AGTR1: variants seen among roughly 807,000 people sequenced by gnomAD.
AGTR1 encodes type-1 angiotensin II receptor.
Under a neutral mutation model 19.4 loss-of-function variants are expected in AGTR1, and 16 were observed. The observed-to-expected ratio is 0.82, with a 90% CI of 0.56 to 1.25. The LOEUF (loss-of-function observed/expected upper bound fraction) is 1.25, where lower values mean the gene tolerates loss of function less well. Ranked by LOEUF, AGTR1 falls within the 50% of genes most tolerant of loss-of-function variation. The pLI, the probability that AGTR1 is intolerant of heterozygous loss-of-function variation, is 0.00. For missense variants in AGTR1, 373 were observed against 431.9 expected, an observed-to-expected ratio of 0.86 and a Z score of 1.21; for synonymous variants, 153 against 154.9, an observed-to-expected ratio of 0.99 and a Z score of 0.09.
intron 2 of AGTR1, among the ~76,000 whole-genome samples, chr3:148,729,844 G>A (rs1413683719): frequency 1.3e-5 from 2 of 152,132 alleles, no homozygotes; most frequent in East Asian, 3.8e-4. Flanking sequence ...TCTGGTCCAA[G>A]CAGCCTCTCA....
rs886058073 is a variant in AGTR1 at position 148,742,578 on chromosome 3, A to G, written c.*463A>G. 12 of 307,246 alleles carry G rather than the reference A, an allele frequency of 3.9e-5. No homozygotes were observed. The East Asian group carries it at 1.1e-3, about 29-fold the overall frequency. The allele number at this position is 307,246 out of a possible 1,614,324, so 19.0% of individuals were successfully genotyped here. ...GTTTTCAGCTATTAGCAACTGTGCT[A>G]CACTTGCACCTGGTACTGCACATTT... On this transcript the variant is annotated 3_prime_UTR_variant, in exon 3 of 3. Transcript: ENST00000349243.
chr3:148,699,364 A>T (rs1190034831), intron 1 of AGTR1, among the ~76,000 whole-genome samples: 1 of 152,088 alleles, frequency 6.6e-6, no homozygotes, highest in South Asian at 2.1e-4. Flanking sequence ...CCCCCTTATA[A>T]GTCTTCTCTA....
rs12721236 is a variant in AGTR1 at position 148,722,326 on chromosome 3, A to G, written c.-48+14299A>G. ...AAGTTTGAACATATTAAATGAAGAC[A>G]TGGGAGATATAAAAAAGACTGAAAT... On this transcript the variant is annotated intron_variant, in intron 2 of 2. Coordinates refer to ENST00000349243, the MANE Select transcript of AGTR1 (RefSeq NM_000685.5). Among the ~76,000 whole-genome samples the G allele has an allele frequency of 2.3e-3, 344 of 152,340 alleles. 5 individuals carry two copies. Among genetic ancestry groups the G allele is most frequent in the African/African-American group, 8.0e-3 (334 of 41,570 alleles).
At position 148,741,394 on chromosome 3, in the gene AGTR1, C is replaced by A; in HGVS notation, c.359C>A (p.Thr120Lys). Residue 120 changes from threonine (T) to lysine (K), a missense_variant, in exon 3 of 3, where the codon ACG becomes AAG. Thr to Lys is a moderately conservative substitution (Grantham distance 78). Transcript: ENST00000349243. ...FNLYASVFLL[T>K]CLSIDRYLAI... ...CTGTACGCTAGTGTGTTTCTACTCA[C>A]GTGTCTCAGCATTGATCGATACCTG... The A allele has an allele frequency of 1.2e-6, 2 of 1,603,042 alleles. No homozygotes were observed. Among genetic ancestry groups the A allele is most frequent in the Non-Finnish European group, 1.7e-6 (2 of 1,177,996 alleles).
intron 1 of AGTR1, among the ~76,000 whole-genome samples, chr3:148,704,850 T>C (rs1490708756): frequency 6.6e-6 from 1 of 152,178 alleles, no homozygotes; most frequent in East Asian, 1.9e-4. Context: ...ACTTTTTCAA[T>C]GGTATTGAGA....
At chr3:148,735,442 G>A (rs1714521911) in intron 2 of AGTR1, among the ~76,000 whole-genome samples, 1 of 152,088 alleles carries the variant, frequency 6.6e-6, no homozygotes, top group South Asian at 2.1e-4. Context: ...AATGAACACA[G>A]TCAAAGATTA....
chr3:148,715,216 T>C (rs1713227900), intron 2 of AGTR1, among the ~76,000 whole-genome samples: 1 of 152,192 alleles, frequency 6.6e-6, no homozygotes, highest in Admixed American at 6.6e-5. Context: ...TATTTTTCAA[T>C]GGTAGCATTT....
At chr3:148,704,451 C>A (rs1712553941) in intron 1 of AGTR1, among the ~76,000 whole-genome samples, 1 of 152,008 alleles carries the variant, frequency 6.6e-6, no homozygotes, top group Admixed American at 6.5e-5. Context: ...TTTTGGTGCT[C>A]TCATGCTATA....
chr3:148,741,529 T>C lies in AGTR1; in HGVS notation c.494T>C (p.Ile165Thr). The change falls in exon 3 of 3, where the codon ATC (isoleucine) becomes ACC (threonine). Residue 165 changes from isoleucine to threonine, a missense_variant. Coordinates refer to ENST00000349243, the MANE Select transcript of AGTR1 (RefSeq NM_000685.5). ...GGCTTGGCCAGTTTGCCAGCTATAA[T>C]CCATCGAAATGTATTTTTCATTGAG... ...LAGLASLPAI[I>T]HRNVFFIENT... 1 of 1,614,166 alleles carries C rather than the reference T, an allele frequency of 6.2e-7. No individual in the cohort carries two copies. The highest frequency in any genetic ancestry group is 8.5e-7 in the Non-Finnish European group (1 of 1,180,000).
intron 2 of AGTR1, among the ~76,000 whole-genome samples, chr3:148,720,364 A>G (rs539682607): frequency 1.3e-5 from 2 of 152,268 alleles, no homozygotes; most frequent in East Asian, 3.9e-4. Flanking sequence ...TTAAAATTCC[A>G]TCATCTAAAT....
intron 2 of AGTR1, among the ~76,000 whole-genome samples, chr3:148,717,575 T>C (rs1713374801): frequency 6.6e-6 from 1 of 152,198 alleles, no homozygotes; most frequent in African/African-American, 2.4e-5. Context: ...AGCTTTATAC[T>C]GATACTGGGT....
At position 148,742,193 on chromosome 3, in the gene AGTR1, A is replaced by C. The variant is rs774927837; in HGVS notation, c.*78A>C. 1 of 1,563,378 alleles carries C rather than the reference A, an allele frequency of 6.4e-7. No individual in the cohort carries two copies. The highest frequency in any genetic ancestry group is 1.7e-5 in the Admixed American group (1 of 59,944). On this transcript the variant is annotated 3_prime_UTR_variant, in exon 3 of 3. Coordinates refer to ENST00000349243, the MANE Select transcript of AGTR1 (RefSeq NM_000685.5). ...CATTCCTCTGCAGCACTTCACTACC[A>C]AATGAGCATTAGCTACTTTTCAGAA...
chr3:148,709,042 C>T (rs185970733), intron 2 of AGTR1, among the ~76,000 whole-genome samples: 1 of 152,286 alleles, frequency 6.6e-6, no homozygotes, highest in Admixed American at 6.5e-5. Context: ...TGCCTTTAAT[C>T]TTGGAGATAA....
At chr3:148,740,887 A>G in intron 2 of AGTR1, 102 bp from the exon 3 acceptor site, 1 of 1,062,488 alleles carries the variant, frequency 9.4e-7, no homozygotes, top group South Asian at 1.6e-5. Flanking sequence ...TCCTAAGACT[A>G]AAGTTGAGTT....
intron 2 of AGTR1, chr3:148,730,219 G>T (rs981225093): frequency 5.0e-6 from 2 of 398,268 alleles, no homozygotes; most frequent in East Asian, 3.6e-5. Flanking sequence ...CAGTCCAAAG[G>T]CTCCACAGCT....
intron 2 of AGTR1, among the ~76,000 whole-genome samples, chr3:148,735,308 A>G (rs1714513993): frequency 6.6e-6 from 1 of 152,216 alleles, no homozygotes; most frequent in African/African-American, 2.4e-5. Flanking sequence ...GTTGAAAACT[A>G]AGCTCAGAAA....
chr3:148,700,534 C>G (rs141405793), intron 1 of AGTR1, among the ~76,000 whole-genome samples: 2 of 152,302 alleles, frequency 1.3e-5, no homozygotes, highest in African/African-American at 4.8e-5. Flanking sequence ...TGCCCTCTAG[C>G]CGCATGCTTA....
chr3:148,741,913 T>G lies in AGTR1; in HGVS notation c.878T>G (p.Phe293Cys), dbSNP rs774446445. 49 of 1,614,042 alleles carry G rather than the reference T, an allele frequency of 3.0e-5. 1 individual carries two copies. The highest frequency in any genetic ancestry group is 4.2e-5 in the Non-Finnish European group (49 of 1,180,030). ...CCTATCACCATTTGTATAGCTTATTTTAACAATTGCCTGAATCCTCTTTTT... is the reference window on the plus strand; with the variant it reads ...CCTATCACCATTTGTATAGCTTATTGTAACAATTGCCTGAATCCTCTTTTT... Reference protein sequence around the residue: ...AMPITICIAYFNNCLNPLFYG... With the variant: ...AMPITICIAYCNNCLNPLFYG... The change falls in exon 3 of 3, where the codon TTT (phenylalanine) becomes TGT (cysteine). Residue 293 changes from phenylalanine (F) to cysteine (C), a missense_variant. Transcript: ENST00000349243.
intron 1 of AGTR1, among the ~76,000 whole-genome samples, chr3:148,703,102 G>A (rs763414603): frequency 1.3e-5 from 2 of 152,068 alleles, no homozygotes; most frequent in African/African-American, 4.8e-5. Context: ...GATGACAGAG[G>A]CAGGTGAGAC....
Sources: allele counts gnomAD v4.1 joint callset (sites outside exome capture counted in the v4.1 genomes callset), GRCh38; gene constraint gnomAD v4.1.1; transcripts MANE v1.5; gene names NCBI Gene and HGNC (gene_info 2026-07-23, HGNC 2026-07-21).